Variants in COL21A1 observed in about 807,000 individuals in gnomAD.
COL21A1 encodes collagen alpha-1(XXI) chain.
Under a neutral mutation model 137.9 loss-of-function variants are expected in COL21A1, and 149 were observed. That is an observed-to-expected ratio of 1.08 (90% CI 0.95 to 1.24). COL21A1 has a LOEUF of 1.24. COL21A1 is among the 50% of genes most tolerant of loss of function. COL21A1 has a pLI of 0.00. For missense variants in COL21A1, 1,167 were observed against 1,158.4 expected, an observed-to-expected ratio of 1.01 and a Z score of -0.11; for synonymous variants, 456 against 391.5, an observed-to-expected ratio of 1.16 and a Z score of -1.95.
chr6:56,060,170 T>C lies in COL21A1; in HGVS notation c.2456A>G (p.His819Arg). Reference sequence around the variant, plus strand: ...CGGGGAGCCATGTTGGGACAGGCAATGATCACAATTTCTAATTCTTCCACT... The same window carrying C: ...CGGGGAGCCATGTTGGGACAGGCAACGATCACAATTTCTAATTCTTCCACT... ...LQSGRIRNCD[H>R]CLSQHGSPGI... The change falls in exon 28 of 30, where the codon CAT becomes CGT. Residue 819 changes from histidine to arginine, a missense_variant. His to Arg is a conservative substitution (Grantham distance 29). Transcript: ENST00000244728. 6.2e-7 allele frequency: 1 copy of C among 1,609,666 alleles called. No individual in the cohort carries two copies. The highest frequency in any genetic ancestry group is 8.5e-7 in the Non-Finnish European group (1 of 1,178,692).
At chr6:56,252,557 A>G (rs1782878843), upstream of COL21A1, among the ~76,000 whole-genome samples, 1 of 152,232 alleles carries the variant, frequency 6.6e-6, no homozygotes, top group Non-Finnish European at 1.5e-5. Flanking sequence ...GAGACCAGGT[A>G]TCAGGAACTA....
chr6:56,154,704 C>CT (rs1274848927), intron 10 of COL21A1, among the ~76,000 whole-genome samples: 1 of 152,116 alleles, frequency 6.6e-6, no homozygotes, highest in Non-Finnish European at 1.5e-5. Flanking sequence ...ATTTATCCTT[C>CT]TAAATCATAA....
chr6:56,132,022 A>C (rs1215315516), intron 12 of COL21A1, among the ~76,000 whole-genome samples: 9 of 151,844 alleles, frequency 5.9e-5, no homozygotes, highest in Non-Finnish European at 1.2e-4. Flanking sequence ...AATAGATCTA[A>C]TAACCTAAAT....
intron 19 of COL21A1, among the ~76,000 whole-genome samples, chr6:56,074,749 G>A (rs934878718): frequency 1.9e-4 from 29 of 151,300 alleles, no homozygotes; most frequent in African/African-American, 2.2e-4. Flanking sequence ...CAAAATGGCC[G>A]TATCTTTAAT....
chr6:56,206,126 C>T (rs1328322709), intron 1 of COL21A1, among the ~76,000 whole-genome samples: 1 of 152,170 alleles, frequency 6.6e-6, no homozygotes, highest in Non-Finnish European at 1.5e-5. Context: ...CAAATTCACA[C>T]ATCACAGTAT....
intron 1 of COL21A1, among the ~76,000 whole-genome samples, chr6:56,219,004 A>G (rs555923133): frequency 2.6e-5 from 4 of 152,200 alleles, no homozygotes; most frequent in Non-Finnish European, 4.4e-5. Flanking sequence ...AAAAAGTTCA[A>G]TAAGTGGGTG....
intron 5 of COL21A1, among the ~76,000 whole-genome samples, chr6:56,170,392 A>G (rs1298692361): frequency 6.6e-6 from 1 of 151,886 alleles, no homozygotes; most frequent in Non-Finnish European, 1.5e-5. Flanking sequence ...TTGGATGGCT[A>G]TTATAATTAA....
intron 1 of COL21A1, among the ~76,000 whole-genome samples, chr6:56,333,304 C>T (rs1765271265): frequency 6.6e-6 from 1 of 150,838 alleles, no homozygotes; most frequent in African/African-American, 2.4e-5. Flanking sequence ...TCCCACCCTC[C>T]CCTTCCTAGG....
intron 1 of COL21A1, among the ~76,000 whole-genome samples, chr6:56,359,096 A>G (rs1002018575): frequency 2.0e-5 from 3 of 152,234 alleles, no homozygotes; most frequent in Non-Finnish European, 4.4e-5. Context: ...CTAAAATATA[A>G]TTTCATTGTC....
At chr6:56,133,051 G>C (rs752883812) in intron 12 of COL21A1, among the ~76,000 whole-genome samples, 5 of 152,172 alleles carry the variant, frequency 3.3e-5, no homozygotes, top group Admixed American at 6.5e-5. Context: ...AGTAGAGTAG[G>C]GTGCTGCTGA....
chr6:56,330,880 T>A (rs1366498968), intron 1 of COL21A1, among the ~76,000 whole-genome samples: 1 of 152,162 alleles, frequency 6.6e-6, no homozygotes, highest in Non-Finnish European at 1.5e-5. Context: ...ATCTCCATAC[T>A]GTTTTCCATA....
In COL21A1 at chr6:56,210,271, A is replaced by T. The variant is rs1419046614; in HGVS notation, c.-38-27615T>A. ...AAAGTATAATAATAAAAAAAGAATAATTTAAATAGCTTGAACTACATATGA... is the reference window on the plus strand; with the variant it reads ...AAAGTATAATAATAAAAAAAGAATATTTTAAATAGCTTGAACTACATATGA... On this transcript the variant is annotated intron_variant, in intron 1 of 29. Transcript: ENST00000244728. Among the ~76,000 whole-genome samples the T allele has an allele frequency of 3.6e-4, 55 of 152,050 alleles. 1 individual carries two copies. The highest frequency in any genetic ancestry group is 3.6e-3 in the Admixed American group (55 of 15,248).
intron 26 of COL21A1, 44 bp from the exon 27 acceptor site, chr6:56,060,839 T>C (rs1765729604): frequency 6.3e-7 from 1 of 1,585,122 alleles, no homozygotes; most frequent in Non-Finnish European, 8.5e-7. Context: ...ATAAAGAACA[T>C]GAGCAAAAAT....
intron 12 of COL21A1, among the ~76,000 whole-genome samples, chr6:56,127,792 A>G (rs895386217): frequency 2.6e-5 from 4 of 152,034 alleles, no homozygotes; most frequent in Non-Finnish European, 5.9e-5. Context: ...GGATGGTAGG[A>G]CTGGTGCAGT....
chr6:56,078,245 A>T (rs1028384000), intron 17 of COL21A1: 1 of 455,540 alleles, frequency 2.2e-6, no homozygotes, highest in Non-Finnish European at 4.4e-6. Flanking sequence ...GAATAAATTT[A>T]GCACATTTAT....
In COL21A1 at chr6:56,357,736, T is replaced by C. The variant is rs572404064; in HGVS notation, c.-39+36235A>G. Among the ~76,000 whole-genome samples, 94 of 152,058 alleles carry C rather than the reference T, an allele frequency of 6.2e-4. 2 individuals carry two copies. The South Asian group carries it at 0.019, about 30-fold the overall frequency. On this transcript the variant is annotated intron_variant, in intron 1 of 28. Coordinates refer to the COL21A1 transcript ENST00000370819. ...TTCTCAGAACCATTTGAGAAAGGAG[T>C]TTGGGTCCTGGTTATTCTCTGGAAA...
At chr6:56,061,128 T>G (rs1487036827) in intron 25 of COL21A1, 91 bp from the exon 26 acceptor site, 2 of 987,118 alleles carry the variant, frequency 2.0e-6, no homozygotes, top group African/African-American at 3.4e-5. Flanking sequence ...TGAATATGCA[T>G]GTATACATAT....
chr6:56,156,699 A>G (rs1310999288), intron 10 of COL21A1, among the ~76,000 whole-genome samples, 188 bp downstream of exon 10: 1 of 152,188 alleles, frequency 6.6e-6, no homozygotes, highest in East Asian at 1.9e-4. Flanking sequence ...CTACTTTTCC[A>G]TTAACTTGTC....
At chr6:56,278,078 A>T (rs1263060902) in intron 1 of COL21A1, among the ~76,000 whole-genome samples, 1 of 152,166 alleles carries the variant, frequency 6.6e-6, no homozygotes, top group Non-Finnish European at 1.5e-5. Flanking sequence ...AACTTTGGAT[A>T]TTTTGTGCCA....
Sources: allele counts gnomAD v4.1 joint callset (sites outside exome capture counted in the v4.1 genomes callset), GRCh38; gene constraint gnomAD v4.1.1; transcripts MANE v1.5; gene names NCBI Gene and HGNC (gene_info 2026-07-23, HGNC 2026-07-21).